Variants in LHFPL1 observed in about 807,000 individuals in gnomAD.
The protein encoded by LHFPL1 is LHFPL tetraspan subfamily member 1 protein.
In LHFPL1, 4 loss-of-function variants were observed where a neutral mutation model predicts 12.1. That is an observed-to-expected ratio of 0.33 (90% confidence interval 0.16 to 0.76). The LOEUF (loss-of-function observed/expected upper bound fraction) is 0.76. Ranked by LOEUF, LHFPL1 falls within the 30% of genes least tolerant of loss-of-function variation. The pLI, the probability that LHFPL1 is intolerant of heterozygous loss-of-function variation, is 0.61. For missense variants in LHFPL1, 141 were observed against 174.1 expected, an observed-to-expected ratio of 0.81 and a Z score of 1.07; for synonymous variants, 52 against 61.9, an observed-to-expected ratio of 0.84 and a Z score of 0.75.
Position 112,649,028 on chromosome X carries a change from A to G in LHFPL1, c.481+11599T>C, listed in dbSNP as rs187477536. 3.6e-5 allele frequency among the ~76,000 whole-genome samples: 4 copies of G among 112,199 alleles called. No homozygotes were observed. The East Asian group carries it at 1.1e-3, about 31-fold the overall frequency. On this transcript the variant is annotated intron_variant, in intron 3 of 3. Transcript: ENST00000371968. ...TCTTAAGCTAATTTAATATAAATGA[A>G]CCCATATTTAAAATTAAAATGTATT...
intron 3 of LHFPL1, among the ~76,000 whole-genome samples, chrX:112,659,526 C>T (rs750894685): frequency 1.4e-4 from 15 of 110,866 alleles, no homozygotes; most frequent in African/African-American, 4.3e-4. Context: ...TACTAAAACC[C>T]GGTGATTATA....
intron 3 of LHFPL1, among the ~76,000 whole-genome samples, chrX:112,639,005 A>G (rs1342469227): frequency 3.6e-5 from 4 of 112,045 alleles, no homozygotes; most frequent in Non-Finnish European, 7.5e-5. Context: ...CATACTGCTG[A>G]CTTTAGGGTC....
rs143462812 is a variant in LHFPL1 at position 112,635,786 on chromosome X, G to A, written c.482-4185C>T. Among the ~76,000 whole-genome samples the A allele has an allele frequency of 1.1e-3, 118 of 111,765 alleles. 2 individuals carry two copies. Among genetic ancestry groups the A allele is most frequent in the East Asian group, 7.3e-3 (26 of 3,563 alleles). On this transcript the variant is annotated intron_variant, in intron 3 of 3. Coordinates refer to ENST00000371968, the MANE Select transcript of LHFPL1 (RefSeq NM_178175.4). ...ATTCTAGGCAGAGGGAGTGGTTGGC[G>A]TGAGCAAAGTTATGTGAGTGAGAAA...
intron 3 of LHFPL1, among the ~76,000 whole-genome samples, chrX:112,650,472 C>T (rs1387264241): frequency 1.8e-5 from 2 of 111,871 alleles, no homozygotes; most frequent in Non-Finnish European, 3.8e-5. Flanking sequence ...TTCTAGGTCA[C>T]CTTTGTCTGA....
intron 1 of LHFPL1, among the ~76,000 whole-genome samples, chrX:112,679,399 T>C (rs950589075): frequency 8.9e-6 from 1 of 111,944 alleles, no homozygotes; most frequent in African/African-American, 3.3e-5. Context: ...TTCCGTCGCA[T>C]AACCCCTTAG....
chrX:112,639,328 T>TA (rs1173581993), intron 3 of LHFPL1, among the ~76,000 whole-genome samples: 1 of 111,472 alleles, frequency 9.0e-6, no homozygotes, highest in East Asian at 2.8e-4. Context: ...AGAAGAAGAA[T>TA]AAAAAACAAC....
chrX:112,648,973 T>G (rs1159471785), intron 3 of LHFPL1, among the ~76,000 whole-genome samples: 1 of 112,352 alleles, frequency 8.9e-6, no homozygotes, highest in East Asian at 2.8e-4. Context: ...ACTAAGATAC[T>G]TCTCACTTCT....
intron 2 of LHFPL1, among the ~76,000 whole-genome samples, chrX:112,664,986 G>A (rs141349818): frequency 9.0e-6 from 1 of 111,486 alleles, no homozygotes; most frequent in African/African-American, 3.3e-5. Context: ...GACGTATCTT[G>A]TCCTGGTACC....
intron 3 of LHFPL1, among the ~76,000 whole-genome samples, chrX:112,639,556 C>T (rs1277068651): frequency 8.9e-6 from 1 of 111,801 alleles, no homozygotes; most frequent in Admixed American, 9.5e-5. Flanking sequence ...GACAGAAATG[C>T]CCTGATTTGG....
intron 1 of LHFPL1, among the ~76,000 whole-genome samples, chrX:112,671,877 A>C (rs1010303703): frequency 9.0e-6 from 1 of 111,471 alleles, no homozygotes; most frequent in Admixed American, 9.5e-5. Flanking sequence ...GTTTTCAGTG[A>C]GTGAAGGAGA....
At chrX:112,643,080 TAAAAA>T (rs774495839) in intron 3 of LHFPL1, among the ~76,000 whole-genome samples, 3 of 82,806 alleles carry the variant, frequency 3.6e-5, no homozygotes, top group East Asian at 7.4e-4. Context: ...CTGGGTAATT[TAAAAA>T]AAAAAAAAAA....
intron 3 of LHFPL1, 98 bp downstream of exon 3, chrX:112,660,529 A>G: frequency 4.7e-6 from 3 of 633,497 alleles, no homozygotes. Flanking sequence ...AGAGAGATTC[A>G]GGCAAGTACC....
At chrX:112,670,794 T>A (rs1387995901) in intron 2 of LHFPL1, among the ~76,000 whole-genome samples, 4 of 112,351 alleles carry the variant, frequency 3.6e-5, no homozygotes, top group African/African-American at 6.5e-5. Flanking sequence ...AGATATCAAT[T>A]CTGCCTACTA....
At chrX:112,656,248 TAA>T (rs1930996830) in intron 3 of LHFPL1, among the ~76,000 whole-genome samples, 1 of 111,506 alleles carries the variant, frequency 9.0e-6, no homozygotes, top group South Asian at 3.7e-4. Flanking sequence ...ATTGAAAGGA[TAA>T]AAGACAAAAA....
chrX:112,676,317 A>T lies in LHFPL1; in HGVS notation c.-15+3512T>A, dbSNP rs186902316. On this transcript the variant is annotated intron_variant, in intron 1 of 3. Transcript: ENST00000371968. ...TAACAGCTTTGTTTCCCTGTCCTGG[A>T]ATATCCAGCCAAACAGCCACACTGG... is the stretch of plus-strand genomic sequence containing the variant. 1.4e-4 allele frequency among the ~76,000 whole-genome samples: 16 copies of T among 111,999 alleles called. No individual in the cohort carries two copies. In the East Asian group the frequency reaches 4.5e-3, roughly 31 times the overall value.
chrX:112,632,116 C>T (rs1258288445), intron 3 of LHFPL1, among the ~76,000 whole-genome samples: 1 of 111,602 alleles, frequency 9.0e-6, no homozygotes, highest in Non-Finnish European at 1.9e-5. Context: ...CAAAACTCCA[C>T]ACTTTGAACC....
intron 1 of LHFPL1, among the ~76,000 whole-genome samples, chrX:112,676,498 G>A (rs1476974992): frequency 1.8e-5 from 2 of 111,881 alleles, no homozygotes; most frequent in Non-Finnish European, 3.8e-5. Flanking sequence ...GCCTGTTTCC[G>A]AGATTGGTTG....
In LHFPL1 at chrX:112,671,457, C is replaced by T. The variant is rs769998117; in HGVS notation, c.-14-53G>A. 4 of 1,203,211 alleles carry T rather than the reference C, an allele frequency of 3.3e-6. No homozygotes were observed. In the African/African-American group the frequency reaches 7.0e-5, roughly 21 times the overall value. On this transcript the variant is annotated intron_variant, in intron 1 of 3. Transcript: ENST00000371968. ...CACAGCACCAAATGCAGTAAGTTAC[C>T]ATGTAGGCTCCACTGGCCTATTTTT...
chrX:112,668,272 T>C (rs753996782), intron 2 of LHFPL1, among the ~76,000 whole-genome samples: 1 of 112,014 alleles, frequency 8.9e-6, no homozygotes, highest in East Asian at 2.8e-4. Flanking sequence ...GATCCTTAGG[T>C]CACAGTCATA....
Sources: gnomAD v4.1 joint callset for allele counts (sites outside exome capture counted in the v4.1 genomes callset) on GRCh38, gnomAD v4.1.1 for gene constraint, MANE v1.5 for transcripts, NCBI Gene and HGNC (gene_info 2026-07-23, HGNC 2026-07-21) for gene names.